Variants in CEP290 observed in about 807,000 individuals in gnomAD.
The protein encoded by CEP290 is centrosomal protein of 290 kDa.
A neutral mutation model predicts 344.9 loss-of-function variants in CEP290; 317 were observed. The observed-to-expected ratio is 0.92, with a 90% CI of 0.84 to 1.01. The LOEUF (loss-of-function observed/expected upper bound fraction) is 1.01, where lower values mean the gene tolerates loss of function less well. Among genes scored for constraint, CEP290 ranks in the 50% least tolerant of loss-of-function variants. The pLI is 0.00. For missense variants in CEP290, 2,754 were observed against 2,761.4 expected (o/e 1.00, Z 0.06); for synonymous variants, 932 against 895.8 (o/e 1.04, Z -0.72).
Position 88,141,210 on chromosome 12 carries a change from G to A in CEP290, c.98C>T (p.Ser33Phe), listed in dbSNP as rs751721358. Reference sequence around the variant, plus strand: ...TATTATTGACCAATTAAGCACCTTGGATAAGGAAATCAATAAATTATCTGC... The same window carrying A: ...TATTATTGACCAATTAAGCACCTTGAATAAGGAAATCAATAAATTATCTGC... The part of the protein sequence containing the change: ...ELADNLLISL[S>F]KVEVNELKSE... The change falls in exon 2 of 54, where the codon TCC (serine) becomes TTC (phenylalanine). Residue 33 changes from serine (S) to phenylalanine (F), a missense_variant. Coordinates refer to ENST00000552810, the MANE Select transcript of CEP290 (RefSeq NM_025114.4). The A allele has an allele frequency of 1.2e-6, 2 of 1,605,690 alleles. No homozygotes were observed. Among genetic ancestry groups the A allele is most frequent in the East Asian group, 2.2e-5 (1 of 44,502 alleles).
intron 51 of CEP290, among the ~76,000 whole-genome samples, chr12:88,054,122 A>G (rs2033802386): frequency 1.3e-5 from 2 of 152,160 alleles, no homozygotes; most frequent in Non-Finnish European, 2.9e-5. Flanking sequence ...ACTAAATTAC[A>G]AACTGGAAAC....
chr12:88,140,793 G>A (rs985101085), intron 3 of CEP290, among the ~76,000 whole-genome samples, 163 bp downstream of exon 3: 2 of 152,172 alleles, frequency 1.3e-5, no homozygotes, highest in Non-Finnish European at 2.9e-5. Context: ...AACTAGCAAT[G>A]TTTTATACAC....
At chr12:88,052,832 C>A (rs1054623624) in intron 52 of CEP290, among the ~76,000 whole-genome samples, 3 of 152,132 alleles carry the variant, frequency 2.0e-5, no homozygotes, top group Admixed American at 2.0e-4. Flanking sequence ...GGATTCAAAT[C>A]CCTTCCACCA....
rs1301427015 is a variant in CEP290, at chr12:88,060,002, T to C, written c.6541A>G (p.Lys2181Glu). The C allele has an allele frequency of 4.7e-5, 74 of 1,558,404 alleles. No homozygotes were observed. The highest frequency in any genetic ancestry group is 6.3e-5 in the Non-Finnish European group (73 of 1,154,644). The change falls in exon 48 of 54, where the codon AAA becomes GAA. Residue 2181 changes from lysine (K) to glutamate (E), a missense_variant. Coordinates refer to ENST00000552810, the MANE Select transcript of CEP290 (RefSeq NM_025114.4). Reference sequence around the variant, plus strand: ...CTCAACTGATGCCCAAGATGAGCTTTAAGTTTTTCTAATTCAGCCTAGTAA... The same window carrying C: ...CTCAACTGATGCCCAAGATGAGCTTCAAGTTTTTCTAATTCAGCCTAGTAA... The part of the protein sequence containing the change: ...EKLKAELEKL[K>E]AHLGHQLSMH...
At chr12:88,111,991 T>C in intron 20 of CEP290, 133 bp from the exon 21 acceptor site, 2 of 565,394 alleles carry the variant, frequency 3.5e-6, no homozygotes, top group Non-Finnish European at 5.7e-6. Flanking sequence ...TAATAAAGTA[T>C]GCCAATTCAA....
chr12:88,122,268 T>C (rs923410073), intron 13 of CEP290, among the ~76,000 whole-genome samples: 2 of 152,060 alleles, frequency 1.3e-5, no homozygotes, highest in African/African-American at 4.8e-5. Flanking sequence ...ATAAACACTA[T>C]ATTTACCTGC....
intron 26 of CEP290, among the ~76,000 whole-genome samples, chr12:88,102,617 C>T (rs1336379805): frequency 1.4e-5 from 2 of 146,998 alleles, no homozygotes. Context: ...AGAAGTCATT[C>T]AGCCACTATA....
At position 88,072,005 on chromosome 12, in the gene CEP290, C is replaced by A. The variant is rs932844297; in HGVS notation, c.5710-79G>T. On this transcript the variant is annotated intron_variant, in intron 41 of 53. Transcript: ENST00000552810. Reference sequence around the variant, plus strand: ...TTTATGATTTATCAATTATAATTTGCCTAGAAAAATTGTAAACTAATATTT... The same window carrying A: ...TTTATGATTTATCAATTATAATTTGACTAGAAAAATTGTAAACTAATATTT... 4.2e-5 allele frequency: 55 copies of A among 1,301,194 alleles called. No homozygotes were observed. In the Middle Eastern group the frequency reaches 6.8e-4, roughly 16 times the overall value. The allele number at this position is 1,301,194 out of a possible 1,614,324, so 80.6% of individuals were successfully genotyped here.
At chr12:88,133,482 C>G (rs2040196002) in intron 6 of CEP290, among the ~76,000 whole-genome samples, 1 of 152,058 alleles carries the variant, frequency 6.6e-6, no homozygotes. Flanking sequence ...TGGGTTGATT[C>G]CATGTCTTTG....
chr12:88,085,930 G>A (rs2036541798), intron 34 of CEP290, 109 bp downstream of exon 34: 1 of 970,214 alleles, frequency 1.0e-6, no homozygotes, highest in Non-Finnish European at 1.5e-6. Context: ...AGTGAAATTA[G>A]CAATAGATTC....
chr12:88,085,130 T>C (rs948986101), intron 34 of CEP290, among the ~76,000 whole-genome samples: 9 of 152,082 alleles, frequency 5.9e-5, no homozygotes, highest in African/African-American at 2.2e-4. Flanking sequence ...TATTACAGTT[T>C]AGAATTATAC....
At chr12:88,060,109 A>G (rs910682063) in intron 47 of CEP290, 89 bp from the exon 48 acceptor site, 3 of 1,142,002 alleles carry the variant, frequency 2.6e-6, no homozygotes, top group Admixed American at 3.0e-5. Context: ...TCTTCAAAGT[A>G]GTTTTAGAAA....
intron 39 of CEP290, among the ~76,000 whole-genome samples, 183 bp from the exon 40 acceptor site, chr12:88,078,101 A>G (rs1377884144): frequency 2.6e-5 from 4 of 151,344 alleles, no homozygotes; most frequent in African/African-American, 9.7e-5. Flanking sequence ...GTCTACCTTG[A>G]GGAAAAAAGT....
chr12:88,094,083 T>C (rs1485257221), intron 27 of CEP290, 108 bp from the exon 28 acceptor site: 1 of 855,484 alleles, frequency 1.2e-6, no homozygotes, highest in Non-Finnish European at 1.7e-6. Flanking sequence ...GGAAAGCACA[T>C]TAGCTTTCTG....
Position 88,128,984 on chromosome 12 carries a change from T to TTTA in CEP290, c.903_904insTAA (p.Pro301_Ile302insTer). The TTTA allele has an allele frequency of 6.5e-7, 1 of 1,541,414 alleles. No homozygotes were observed. Among genetic ancestry groups the TTTA allele is most frequent in the South Asian group, 1.3e-5 (1 of 75,698 alleles). ...ACTTTTGCATTGACAGCTACCATAA[T>TTTA]TGGATCATCTTCTTCATTTTTTGAT... On this transcript the variant is annotated stop_gained and inframe_insertion, in exon 11 of 54. Transcript: ENST00000552810. LOFTEE classifies it high-confidence loss of function.
At chr12:88,137,206 A>G (rs1288105506) in intron 5 of CEP290, among the ~76,000 whole-genome samples, 1 of 152,160 alleles carries the variant, frequency 6.6e-6, no homozygotes, top group Non-Finnish European at 1.5e-5. Flanking sequence ...GTGCTGTCCC[A>G]TAGGACTTTC....
At chr12:88,103,948 T>A (rs948492215) in intron 25 of CEP290, 12 of 152,180 alleles carry the variant, frequency 7.9e-5, no homozygotes, top group African/African-American at 2.4e-4. Context: ...AGAATCTCCC[T>A]TTTTCTTGGC....
At chr12:88,105,087 C>T (rs912368100) in intron 25 of CEP290, among the ~76,000 whole-genome samples, 1 of 152,118 alleles carries the variant, frequency 6.6e-6, no homozygotes, top group African/African-American at 2.4e-5. Context: ...TAAATGCCTT[C>T]CCCACTAAAA....
intron 13 of CEP290, among the ~76,000 whole-genome samples, chr12:88,124,026 C>T (rs2039576348): frequency 1.3e-5 from 2 of 152,190 alleles, no homozygotes; most frequent in Non-Finnish European, 2.9e-5. Flanking sequence ...CACCATGCCC[C>T]AAACCACCAT....
Sources: gnomAD v4.1 joint callset for allele counts (sites outside exome capture counted in the v4.1 genomes callset) on GRCh38, gnomAD v4.1.1 for gene constraint, MANE v1.5 for transcripts, NCBI Gene and HGNC (gene_info 2026-07-23, HGNC 2026-07-21) for gene names.